DNAH11: variants seen among roughly 807,000 people sequenced by gnomAD.
The protein encoded by DNAH11 is axonemal beta dynein heavy chain 11.
DNAH11 carries 442 observed loss-of-function variants against 526.0 expected under a neutral mutation model. The observed-to-expected ratio is 0.84, with a 90% CI of 0.78 to 0.91. The LOEUF (loss-of-function observed/expected upper bound fraction) is 0.91. Ranked by LOEUF, DNAH11 falls within the 40% of genes least tolerant of loss-of-function variation. The probability of loss-of-function intolerance (pLI) is 0.00; values close to 1 mark genes in which losing one functional copy is unlikely to be tolerated. For synonymous variants in DNAH11, 2,461 were observed against 1,935.9 expected (o/e 1.27, Z -7.12); for missense variants, 6,989 against 5,448.7 (o/e 1.28, Z -8.90).
rs1782669532 is a variant in DNAH11, at chr7:21,543,532, G to A, written c.287G>A (p.Ser96Asn). The change falls in exon 1 of 82, where the codon AGC becomes AAC. Residue 96 changes from serine to asparagine, a missense_variant. Coordinates refer to ENST00000409508, the MANE Select transcript of DNAH11 (RefSeq NM_001277115.2). ...NRQVLGEFLESTSPACLVFSF... is the reference protein window; with the variant it reads ...NRQVLGEFLENTSPACLVFSF... ...CAGGTTCTTGGGGAGTTTCTGGAAA[G>A]CACCAGCCCGGCTTGCCTTGTGTTT... is the stretch of plus-strand genomic sequence containing the variant. 10 of 1,609,884 alleles carry A rather than the reference G, an allele frequency of 6.2e-6. No homozygotes were observed. The highest frequency in any genetic ancestry group is 8.5e-6 in the Non-Finnish European group (10 of 1,178,102).
At chr7:21,684,833 G>T (rs950931457) in intron 32 of DNAH11, among the ~76,000 whole-genome samples, 2 of 152,228 alleles carry the variant, frequency 1.3e-5, no homozygotes, top group African/African-American at 4.8e-5. Flanking sequence ...GAATTTCTTT[G>T]TTAGTATTCC....
chr7:21,565,526 G>C (rs578248573), intron 6 of DNAH11, among the ~76,000 whole-genome samples: 10 of 152,310 alleles, frequency 6.6e-5, no homozygotes, highest in African/African-American at 2.4e-4. Flanking sequence ...TTGCAGCTTA[G>C]AATTTTTGGA....
intron 2 of DNAH11, among the ~76,000 whole-genome samples, chr7:21,555,150 G>A (rs180844409): frequency 6.6e-6 from 1 of 152,350 alleles, no homozygotes; most frequent in Non-Finnish European, 1.5e-5. Flanking sequence ...CTCCTCTTGT[G>A]AGGATGGGGT....
At chr7:21,630,329 C>G (rs2128457741) in intron 25 of DNAH11, among the ~76,000 whole-genome samples, 2 of 152,212 alleles carry the variant, frequency 1.3e-5, no homozygotes, top group South Asian at 4.2e-4. Flanking sequence ...GGGCTTCATG[C>G]CAGGAGTATG....
intron 30 of DNAH11, among the ~76,000 whole-genome samples, chr7:21,674,730 C>G (rs951836371): frequency 6.6e-6 from 1 of 152,048 alleles, no homozygotes; most frequent in Admixed American, 6.6e-5. Context: ...CAGTCTACAT[C>G]TCTCTCCTGA....
intron 45 of DNAH11, among the ~76,000 whole-genome samples, chr7:21,727,918 C>T (rs563603240): frequency 2.0e-5 from 3 of 152,318 alleles, no homozygotes; most frequent in East Asian, 1.9e-4. Flanking sequence ...TGATAGGCAT[C>T]GCTTGCCGTG....
chr7:21,724,197 A>T (rs1413362453), intron 44 of DNAH11, among the ~76,000 whole-genome samples: 1 of 152,262 alleles, frequency 6.6e-6, no homozygotes, highest in Non-Finnish European at 1.5e-5. Flanking sequence ...GGTGTCACAT[A>T]AGTAATATCA....
intron 68 of DNAH11, 117 bp downstream of exon 68, chr7:21,854,572 C>A (rs1385544639): frequency 1.8e-6 from 2 of 1,142,628 alleles, no homozygotes; most frequent in Non-Finnish European, 1.2e-6. Context: ...ATTATTGAGA[C>A]AGAGTCTCAC....
intron 42 of DNAH11, among the ~76,000 whole-genome samples, chr7:21,714,679 G>A (rs559188862): frequency 4.6e-5 from 7 of 152,228 alleles, no homozygotes; most frequent in African/African-American, 1.7e-4. Context: ...CAAAACTATA[G>A]AAAAGTTGGA....
intron 2 of DNAH11, among the ~76,000 whole-genome samples, chr7:21,554,779 G>C (rs1783154012): frequency 6.6e-6 from 1 of 152,182 alleles, no homozygotes; most frequent in Non-Finnish European, 1.5e-5. Context: ...TACAAAGCCA[G>C]TCTCTCCCTG....
chr7:21,692,728 G>T (rs1583599437), intron 35 of DNAH11, among the ~76,000 whole-genome samples: 1 of 152,200 alleles, frequency 6.6e-6, no homozygotes, highest in Admixed American at 6.5e-5. Context: ...TGTGTGCTTT[G>T]CTTATAAGAA....
At position 21,728,277 on chromosome 7, in the gene DNAH11, A is replaced by T. The variant is rs1208530688; in HGVS notation, c.7440+2293A>T. On this transcript the variant is annotated intron_variant, in intron 45 of 81. Coordinates refer to ENST00000409508, the MANE Select transcript of DNAH11 (RefSeq NM_001277115.2). ...TTTTTTTTTTTTTTTTTTTTTTTTGAGACAGAGTCTTACTCTGTTGCCCAG... is the reference window on the plus strand; with the variant it reads ...TTTTTTTTTTTTTTTTTTTTTTTTGTGACAGAGTCTTACTCTGTTGCCCAG... 7.6e-5 allele frequency among the ~76,000 whole-genome samples: 5 copies of T among 65,912 alleles called. No homozygotes were observed. In the South Asian group the frequency reaches 1.6e-3, roughly 22 times the overall value. 43.2% of individuals were successfully genotyped at this position (65,912 alleles called of 152,430 possible). A position where few individuals can be genotyped will look rare whatever the true frequency, so the allele number is the denominator to read the frequency against.
At chr7:21,727,961 T>C (rs1377845309) in intron 45 of DNAH11, among the ~76,000 whole-genome samples, 1 of 152,170 alleles carries the variant, frequency 6.6e-6, no homozygotes, top group Non-Finnish European at 1.5e-5. Flanking sequence ...TGCACATTCA[T>C]GCTCACTGTC....
At chr7:21,888,425 G>T (rs1381472677) in intron 76 of DNAH11, among the ~76,000 whole-genome samples, 2 of 152,146 alleles carry the variant, frequency 1.3e-5, no homozygotes, top group East Asian at 3.8e-4. Context: ...TAGTGGGCTG[G>T]ATGCTGGTTC....
chr7:21,789,763 C>CCCTTTCTTTCTT (rs1788355891), intron 61 of DNAH11, among the ~76,000 whole-genome samples: 1 of 72,996 alleles, frequency 1.4e-5, no homozygotes, highest in Non-Finnish European at 3.0e-5. Flanking sequence ...ATTTCTTTCT[C>CCCTTTCTTTCTT]TCTTTCTTTC....
Position 21,861,875 on chromosome 7 carries a change from G to T in DNAH11, c.11225G>T (p.Arg3742Ile). 1 of 1,613,220 alleles carries T rather than the reference G, an allele frequency of 6.2e-7. No individual in the cohort carries two copies. Among genetic ancestry groups the T allele is most frequent in the Non-Finnish European group, 8.5e-7 (1 of 1,179,610 alleles). ...CAGGCTTTTAACGTGCTGTTCCACAGAGCGATCGAGCAGGCTGACAAGGTG... is the reference window on the plus strand; with the variant it reads ...CAGGCTTTTAACGTGCTGTTCCACATAGCGATCGAGCAGGCTGACAAGGTG... The part of the protein sequence containing the change: ...SLKAFNVLFH[R>I]AIEQADKVED... Residue 3742 changes from arginine (R) to isoleucine (I), a missense_variant, in exon 69 of 82, where the codon AGA becomes ATA. Transcript: ENST00000409508.
chr7:21,653,685 T>A (rs1412966285), intron 28 of DNAH11, among the ~76,000 whole-genome samples: 1 of 152,122 alleles, frequency 6.6e-6, no homozygotes, highest in Non-Finnish European at 1.5e-5. Context: ...TGTACAGGGA[T>A]GGAGGAGAAT....
chr7:21,799,188 C>T (rs1046972317), intron 61 of DNAH11, among the ~76,000 whole-genome samples: 11 of 152,202 alleles, frequency 7.2e-5, no homozygotes, highest in African/African-American at 2.6e-4. Context: ...AAATAAATAG[C>T]CCCAACTTGA....
chr7:21,870,485 G>C (rs1372839681), intron 73 of DNAH11, among the ~76,000 whole-genome samples: 1 of 151,854 alleles, frequency 6.6e-6, no homozygotes, highest in Non-Finnish European at 1.5e-5. Context: ...AAACACAGGA[G>C]GGTTCGCTTT....
Sources: allele counts gnomAD v4.1 joint callset (sites outside exome capture counted in the v4.1 genomes callset), GRCh38; gene constraint gnomAD v4.1.1; transcripts MANE v1.5; gene names NCBI Gene and HGNC (gene_info 2026-07-23, HGNC 2026-07-21).